Variants in MCTP1 observed in about 807,000 individuals in gnomAD.
The protein encoded by MCTP1 is multiple C2 and transmembrane domain containing 1, also known as multiple C2 and transmembrane domain-containing protein 1.
In MCTP1, 69 loss-of-function variants were observed where a neutral mutation model predicts 120.6. That is an observed-to-expected ratio of 0.57 (90% CI 0.47 to 0.70). The LOEUF (loss-of-function observed/expected upper bound fraction) is 0.70. Among genes scored for constraint, MCTP1 ranks in the 30% least tolerant of loss-of-function variants. MCTP1 has a pLI of 0.00. For missense variants in MCTP1, 1,203 were observed against 1,248.8 expected, an observed-to-expected ratio of 0.96 and a Z score of 0.55; for synonymous variants, 529 against 493.1, an observed-to-expected ratio of 1.07 and a Z score of -0.96.
At chr5:94,859,936 C>T (rs933647499) in intron 17 of MCTP1, among the ~76,000 whole-genome samples, 6 of 151,462 alleles carry the variant, frequency 4.0e-5, no homozygotes, top group South Asian at 2.1e-4. Context: ...ATTCTTGTTT[C>T]GAACATTTAG....
At chr5:95,220,923 T>C (rs1753619570) in intron 1 of MCTP1, among the ~76,000 whole-genome samples, 1 of 152,188 alleles carries the variant, frequency 6.6e-6, no homozygotes, top group Non-Finnish European at 1.5e-5. Context: ...GCTGATGGAA[T>C]CACAGATGGT....
At chr5:94,867,152 A>G in intron 17 of MCTP1, 5 of 1,216,676 alleles carry the variant, frequency 4.1e-6, no homozygotes, top group Non-Finnish European at 5.4e-6. Context: ...GCTTAATAGT[A>G]CCACCATATA....
chr5:94,992,291 A>G (rs1199834048), intron 2 of MCTP1, among the ~76,000 whole-genome samples: 1 of 150,296 alleles, frequency 6.7e-6, no homozygotes, highest in Non-Finnish European at 1.5e-5. Flanking sequence ...AATAATGTTG[A>G]GGATGATGAT....
At chr5:95,277,215 C>G (rs1247341366) in intron 1 of MCTP1, among the ~76,000 whole-genome samples, 1 of 152,148 alleles carries the variant, frequency 6.6e-6, no homozygotes, top group Non-Finnish European at 1.5e-5. Context: ...AACTACATCC[C>G]TGACCCGGAG....
At chr5:94,755,321 C>A (rs1400106345) in intron 19 of MCTP1, among the ~76,000 whole-genome samples, 1 of 152,132 alleles carries the variant, frequency 6.6e-6, no homozygotes, top group East Asian at 1.9e-4. Context: ...TCCTCCTTCC[C>A]CACTGATTCC....
chr5:94,749,956 GA>G (rs1232855827), intron 19 of MCTP1, among the ~76,000 whole-genome samples: 5 of 152,182 alleles, frequency 3.3e-5, no homozygotes, highest in Admixed American at 2.0e-4. Context: ...TAAACTAAAA[GA>G]AGTCTGACTC....
At chr5:94,968,117 T>C (rs1391275224) in intron 2 of MCTP1, among the ~76,000 whole-genome samples, 2 of 152,224 alleles carry the variant, frequency 1.3e-5, no homozygotes, top group African/African-American at 4.8e-5. Context: ...CAGTGAAAGA[T>C]TTTTAACTAA....
rs555911472 is a variant in MCTP1, at chr5:95,002,335, G to A, written c.838+15032C>T. On this transcript the variant is annotated intron_variant, in intron 2 of 22. Coordinates refer to ENST00000515393, the MANE Select transcript of MCTP1 (RefSeq NM_024717.7). ...GTGGAGCTATGAGAAGAGGGTCACCGTCCTCCAGATCCCAGAATGGTAGAT... is the reference window on the plus strand; with the variant it reads ...GTGGAGCTATGAGAAGAGGGTCACCATCCTCCAGATCCCAGAATGGTAGAT... 2.1e-3 allele frequency among the ~76,000 whole-genome samples: 327 copies of A among 152,250 alleles called. 1 individual carries two copies. The highest frequency in any genetic ancestry group is 7.6e-3 in the African/African-American group (314 of 41,554).
At chr5:94,923,648 CAT>C (rs1812262197) in intron 7 of MCTP1, among the ~76,000 whole-genome samples, 1 of 152,110 alleles carries the variant, frequency 6.6e-6, no homozygotes, top group Admixed American at 6.5e-5. Flanking sequence ...AAAGAGCCTT[CAT>C]GGACCTTCCA....
chr5:94,706,009 C>T lies in MCTP1; in HGVS notation c.*1487G>A, dbSNP rs1754485173. The T allele has an allele frequency of 1.3e-5, 2 of 151,628 alleles. No individual in the cohort carries two copies. The highest frequency in any genetic ancestry group is 1.3e-4 in the Admixed American group (2 of 15,198). The allele number at this position is 151,628 out of a possible 1,614,324, so 9.4% of individuals were successfully genotyped here. On this transcript the variant is annotated 3_prime_UTR_variant, in exon 23 of 23. Transcript: ENST00000515393. Reference sequence around the variant, plus strand: ...TAAGAAATAGTATTTAACAACTTATCTCTAAAATAAAAATACTTTAAAAAT... The same window carrying T: ...TAAGAAATAGTATTTAACAACTTATTTCTAAAATAAAAATACTTTAAAAAT...
intron 17 of MCTP1, among the ~76,000 whole-genome samples, chr5:94,818,373 C>T (rs1784918839): frequency 6.6e-6 from 1 of 152,174 alleles, no homozygotes; most frequent in Non-Finnish European, 1.5e-5. Flanking sequence ...CCCCATCAGA[C>T]ATAATTAGAA....
chr5:94,906,512 GT>G (rs927648510), intron 10 of MCTP1, among the ~76,000 whole-genome samples: 12 of 152,048 alleles, frequency 7.9e-5, no homozygotes, highest in African/African-American at 2.9e-4. Flanking sequence ...ATGGAAGTGG[GT>G]AATGTTCAGT....
intron 11 of MCTP1, among the ~76,000 whole-genome samples, chr5:94,890,704 A>T (rs1802390234): frequency 6.6e-6 from 1 of 152,242 alleles, no homozygotes; most frequent in African/African-American, 2.4e-5. Flanking sequence ...GTGGTGTTTT[A>T]TAAGTGTAGC....
At chr5:95,256,952 G>A (rs570646319) in intron 1 of MCTP1, among the ~76,000 whole-genome samples, 2 of 152,254 alleles carry the variant, frequency 1.3e-5, no homozygotes, top group African/African-American at 4.8e-5. Flanking sequence ...TTTTTACTTA[G>A]AGTAGTGACA....
chr5:95,280,863 C>T (rs1031669794), intron 1 of MCTP1, among the ~76,000 whole-genome samples: 4 of 152,150 alleles, frequency 2.6e-5, no homozygotes, highest in Non-Finnish European at 5.9e-5. Flanking sequence ...CCCCAGCCGT[C>T]CAAACTGATT....
chr5:95,254,303 A>C (rs991156870), intron 1 of MCTP1, among the ~76,000 whole-genome samples: 2 of 152,188 alleles, frequency 1.3e-5, no homozygotes, highest in African/African-American at 4.8e-5. Context: ...TAAGGGTTTT[A>C]CATGCATTTA....
chr5:95,153,457 C>T (rs936564519), intron 1 of MCTP1, among the ~76,000 whole-genome samples: 1 of 152,196 alleles, frequency 6.6e-6, no homozygotes, highest in Non-Finnish European at 1.5e-5. Context: ...TGAATCCTTG[C>T]CAGTTCAACT....
chr5:94,712,049 G>C (rs2152542775), intron 20 of MCTP1, among the ~76,000 whole-genome samples: 1 of 152,220 alleles, frequency 6.6e-6, no homozygotes, highest in East Asian at 1.9e-4. Context: ...CACTAAAGAG[G>C]AACTAACAAA....
chr5:95,034,993 A>G lies in MCTP1; in HGVS notation c.721-17509T>C, dbSNP rs192575500. 2.2e-3 allele frequency among the ~76,000 whole-genome samples: 341 copies of G among 152,264 alleles called. 1 individual carries two copies. Among genetic ancestry groups the G allele is most frequent in the African/African-American group, 7.5e-3 (310 of 41,574 alleles). ...AATGCTCAACATCACTAATCATCAAAGAAATGCAAATTAAAATCACAATAA... is the reference window on the plus strand; with the variant it reads ...AATGCTCAACATCACTAATCATCAAGGAAATGCAAATTAAAATCACAATAA... On this transcript the variant is annotated intron_variant, in intron 1 of 22. Transcript: ENST00000515393.
Sources: gnomAD v4.1 joint callset for allele counts (sites outside exome capture counted in the v4.1 genomes callset) on GRCh38, gnomAD v4.1.1 for gene constraint, MANE v1.5 for transcripts, NCBI Gene and HGNC (gene_info 2026-07-23, HGNC 2026-07-21) for gene names.